Variants in SORCS1 observed in about 807,000 individuals in gnomAD.
SORCS1 encodes sortilin related VPS10 domain containing receptor 1.
Under a neutral mutation model 146.1 loss-of-function variants are expected in SORCS1, and 60 were observed. The ratio of observed to expected loss-of-function variants is 0.41; its 90% CI spans 0.33 to 0.51. SORCS1 has a LOEUF of 0.51. Among genes scored for constraint, SORCS1 ranks in the 20% least tolerant of loss-of-function variants. SORCS1 has a pLI of 0.21. For synonymous variants in SORCS1, 637 were observed against 584.0 expected (o/e 1.09, Z -1.31); for missense variants, 1,352 against 1,487.6 (o/e 0.91, Z 1.50).
At chr10:106,877,447 G>T (rs2137660722) in intron 2 of SORCS1, among the ~76,000 whole-genome samples, 1 of 152,254 alleles carries the variant, frequency 6.6e-6, no homozygotes, top group South Asian at 2.1e-4. Flanking sequence ...GTGCATGGTG[G>T]TGCAATGCCT....
At chr10:107,004,390 T>C (rs1957354007) in intron 1 of SORCS1, among the ~76,000 whole-genome samples, 1 of 152,132 alleles carries the variant, frequency 6.6e-6, no homozygotes, top group African/African-American at 2.4e-5. Context: ...GGACTCACAG[T>C]TCCACATGGT....
chr10:107,120,090 C>T (rs1365718139), intron 1 of SORCS1, among the ~76,000 whole-genome samples: 1 of 152,056 alleles, frequency 6.6e-6, no homozygotes, highest in Non-Finnish European at 1.5e-5. Context: ...TATAATATAT[C>T]TCCTGTGTTA....
At chr10:106,806,579 G>C (rs1245669707) in intron 3 of SORCS1, among the ~76,000 whole-genome samples, 1 of 121,354 alleles carries the variant, frequency 8.2e-6, no homozygotes, top group African/African-American at 3.1e-5. Flanking sequence ...GCAGTGGCAT[G>C]ATCTCCGGTC....
At chr10:106,954,252 C>T (rs1466168297) in intron 2 of SORCS1, among the ~76,000 whole-genome samples, 35 of 152,158 alleles carry the variant, frequency 2.3e-4, no homozygotes, top group Admixed American at 2.1e-3. Flanking sequence ...GCAGACTATA[C>T]TTTATATGGA....
chr10:106,632,735 CA>C (rs1464506502), intron 18 of SORCS1, among the ~76,000 whole-genome samples: 4 of 151,560 alleles, frequency 2.6e-5, no homozygotes, highest in African/African-American at 7.3e-5. Context: ...ACTAATCATG[CA>C]AAAAAAATTA....
chr10:106,629,165 T>C (rs1885351), intron 19 of SORCS1, 37 bp downstream of exon 19: 332,874 of 1,565,280 alleles, frequency 0.21, 37,800 homozygotes, highest in Non-Finnish European at 0.24. Context: ...ACACAATATT[T>C]AAGATAGGTC....
chr10:106,778,069 G>A (rs1860596146), intron 3 of SORCS1, among the ~76,000 whole-genome samples: 1 of 152,104 alleles, frequency 6.6e-6, no homozygotes, highest in Non-Finnish European at 1.5e-5. Flanking sequence ...TCAAGCATTT[G>A]GAGGCAATCA....
intron 2 of SORCS1, among the ~76,000 whole-genome samples, chr10:106,836,943 C>T (rs1948815274): frequency 6.6e-6 from 1 of 152,170 alleles, no homozygotes; most frequent in Non-Finnish European, 1.5e-5. Flanking sequence ...TGAAGCAAAA[C>T]ACAACTGGAA....
intron 1 of SORCS1, among the ~76,000 whole-genome samples, chr10:106,961,950 TCTTG>T (rs907310793): frequency 1.3e-5 from 2 of 152,202 alleles, no homozygotes; most frequent in Admixed American, 6.5e-5. Flanking sequence ...ATCAGCTCAC[TCTTG>T]AATTCTTTCC....
chr10:106,742,997 G>A lies in SORCS1; in HGVS notation c.960-12883C>T, dbSNP rs183968484. Reference sequence around the variant, plus strand: ...TGTGCCAGTTTGCTTTTGAACTCATGTAAACTCCTTGGCCAAGGAAACTAG... The same window carrying A: ...TGTGCCAGTTTGCTTTTGAACTCATATAAACTCCTTGGCCAAGGAAACTAG... On this transcript the variant is annotated intron_variant, in intron 5 of 25. Coordinates refer to ENST00000263054, the MANE Select transcript of SORCS1 (RefSeq NM_052918.5). Among the ~76,000 whole-genome samples the A allele has an allele frequency of 2.1e-3, 326 of 152,264 alleles. 4 individuals carry two copies. The highest frequency in any genetic ancestry group is 7.6e-3 in the African/African-American group (315 of 41,556).
Position 107,101,133 on chromosome 10 carries a change from C to G in SORCS1, c.558+62836G>C, listed in dbSNP as rs372594504. Among the ~76,000 whole-genome samples, 4 of 152,122 alleles carry G rather than the reference C, an allele frequency of 2.6e-5. No individual in the cohort carries two copies. The East Asian group carries it at 7.7e-4, about 29-fold the overall frequency. Reference sequence around the variant, plus strand: ...GGAGTGCAATGGCGCGATCTCGGCTCACTGCAACCTCCATCTCTCGGGCTC... The same window carrying G: ...GGAGTGCAATGGCGCGATCTCGGCTGACTGCAACCTCCATCTCTCGGGCTC... On this transcript the variant is annotated intron_variant, in intron 1 of 25. Transcript: ENST00000263054.
chr10:106,714,546 T>C (rs956190935), intron 6 of SORCS1, among the ~76,000 whole-genome samples: 11 of 152,222 alleles, frequency 7.2e-5, no homozygotes, highest in Non-Finnish European at 1.6e-4. Context: ...TCTGTGTATC[T>C]AAAATTATTC....
At chr10:107,178,207 G>A in the SORCS1 span, among the ~76,000 whole-genome samples, 1 of 152,112 alleles carries the variant, frequency 6.6e-6, no homozygotes, top group African/African-American at 2.4e-5. Flanking sequence ...GTTAACTGTA[G>A]TCACCCTACT....
At chr10:106,765,519 G>A (rs984812754) in intron 4 of SORCS1, among the ~76,000 whole-genome samples, 2 of 152,084 alleles carry the variant, frequency 1.3e-5, no homozygotes, top group Non-Finnish European at 2.9e-5. Flanking sequence ...TGAGCCAACT[G>A]TTAGGCATCT....
intron 2 of SORCS1, among the ~76,000 whole-genome samples, chr10:106,938,345 A>G (rs1953860082): frequency 6.6e-6 from 1 of 152,216 alleles, no homozygotes; most frequent in African/African-American, 2.4e-5. Flanking sequence ...CTAATAAGAA[A>G]AATGGCCTGA....
At chr10:106,970,701 A>G (rs1264547353) in intron 1 of SORCS1, among the ~76,000 whole-genome samples, 1 of 151,612 alleles carries the variant, frequency 6.6e-6, no homozygotes, top group African/African-American at 2.4e-5. Context: ...TCTGGGCTAC[A>G]TCAACCAAAA....
chr10:106,618,368 C>A, intron 20 of SORCS1, 96 bp from the exon 21 acceptor site: 1 of 1,479,054 alleles, frequency 6.8e-7, no homozygotes, highest in South Asian at 1.3e-5. Flanking sequence ...TCTAACCCAG[C>A]AGAGGCTCTT....
At chr10:106,756,937 A>T (rs946297522) in intron 5 of SORCS1, among the ~76,000 whole-genome samples, 1 of 152,138 alleles carries the variant, frequency 6.6e-6, no homozygotes, top group African/African-American at 2.4e-5. Context: ...CCTGCTATAT[A>T]AACCCATACT....
rs1847509044 is a variant in SORCS1, at chr10:106,618,265, A to C, written c.2804T>G (p.Ile935Ser). 6.2e-7 allele frequency: 1 copy of C among 1,613,760 alleles called. No individual in the cohort carries two copies. Among genetic ancestry groups the C allele is most frequent in the Non-Finnish European group, 8.5e-7 (1 of 1,179,874 alleles). The stretch of plus-strand genomic sequence containing the variant: ...GAAGGATATGCTTCCCTCCAAGGTG[A>C]TCAAAGGCTAAAATAAACAAGGGCC... The part of the protein sequence containing the change: ...WWYGNNTEPL[I>S]TLEGSISFRF... Residue 935 changes from isoleucine (I) to serine (S), a missense_variant, in exon 21 of 26, where the codon ATC (isoleucine) becomes AGC (serine). Physicochemically the swap from Ile to Ser is moderately radical, Grantham distance 142 (BLOSUM62 -2). Transcript: ENST00000263054.
Sources: gnomAD v4.1 joint callset for allele counts (sites outside exome capture counted in the v4.1 genomes callset) on GRCh38, gnomAD v4.1.1 for gene constraint, MANE v1.5 for transcripts, NCBI Gene and HGNC (gene_info 2026-07-23, HGNC 2026-07-21) for gene names.